DIS3L2: variants seen among roughly 807,000 people sequenced by gnomAD.
The protein encoded by DIS3L2 is DIS3 like 3'-5' exoribonuclease 2, also known as DIS3-like exonuclease 2.
In DIS3L2, 34 loss-of-function variants were observed where a neutral mutation model predicts 97.5. That is an observed-to-expected ratio of 0.35 (90% CI 0.27 to 0.46). The LOEUF is 0.46. Ranked by LOEUF, DIS3L2 falls within the 20% of genes least tolerant of loss-of-function variation. The probability of loss-of-function intolerance (pLI) is 1.00; values close to 1 mark genes in which losing one functional copy is unlikely to be tolerated. For synonymous variants in DIS3L2, 435 were observed against 445.2 expected (o/e 0.98, Z 0.29); for missense variants, 1,038 against 1,146.0 (o/e 0.91, Z 1.36).
At chr2:232,338,650 G>A (rs1379284389), downstream of DIS3L2, among the ~76,000 whole-genome samples, 1 of 152,072 alleles carries the variant, frequency 6.6e-6, no homozygotes, top group African/African-American at 2.4e-5. Context: ...CCAGAGCTCA[G>A]AGAAGGCAGC....
chr2:232,119,195 C>CAGACCCACATAGACAT (rs1201031482), intron 6 of DIS3L2, among the ~76,000 whole-genome samples: 2 of 152,182 alleles, frequency 1.3e-5, no homozygotes, highest in African/African-American at 4.8e-5. Context: ...TGTGGGCTTG[C>CAGACCCACATAGACAT]AGACCCAATT....
Position 232,024,220 on chromosome 2 carries a change from T to G in DIS3L2, c.211-57T>G, listed in dbSNP as rs1443061843. 3.0e-6 allele frequency: 4 copies of G among 1,324,240 alleles called. No homozygotes were observed. In the Admixed American group the frequency reaches 6.6e-5, roughly 22 times the overall value. The allele number at this position is 1,324,240 out of a possible 1,614,324, so 82.0% of individuals were successfully genotyped here. On this transcript the variant is annotated intron_variant, in intron 3 of 20. Transcript: ENST00000325385. ...ACTTTTTATTGGAGAATAACATACG[T>G]GGAAAAATCGTAAATATATAGCTAG...
intron 9 of DIS3L2, among the ~76,000 whole-genome samples, chr2:232,181,163 G>A (rs1435862506): frequency 7.5e-5 from 11 of 145,866 alleles, no homozygotes; most frequent in Admixed American, 1.4e-4. Flanking sequence ...GGCTTGTAGG[G>A]TTTCTGCCGA....
rs542520647 is a variant in DIS3L2, at chr2:232,097,836, A to G, written c.601+10115A>G. On this transcript the variant is annotated intron_variant, in intron 6 of 20. Transcript: ENST00000325385. ...GCAGATGGAGTCTCTCGCGATAGCC[A>G]CCACAGCTGAGAATATGCTGTGTCT... 5.3e-5 allele frequency among the ~76,000 whole-genome samples: 8 copies of G among 152,270 alleles called. No homozygotes were observed. In the East Asian group the frequency reaches 1.4e-3, roughly 26 times the overall value.
chr2:232,082,331 G>A (rs1009712507), intron 5 of DIS3L2, among the ~76,000 whole-genome samples: 2 of 152,162 alleles, frequency 1.3e-5, no homozygotes, highest in Non-Finnish European at 2.9e-5. Flanking sequence ...TCCAGCCCCT[G>A]GGCCATGGAC....
At chr2:232,000,668 C>CCTTTCCTTTCTCTT (rs1388847659) in intron 1 of DIS3L2, among the ~76,000 whole-genome samples, 1 of 106,094 alleles carries the variant, frequency 9.4e-6, no homozygotes, top group Non-Finnish European at 2.0e-5. Context: ...CTTTCTCTTT[C>CCTTTCCTTTCTCTT]TCTCTTTCTC....
intron 6 of DIS3L2, among the ~76,000 whole-genome samples, chr2:232,098,638 G>A (rs529764548): frequency 6.6e-6 from 1 of 152,262 alleles, no homozygotes; most frequent in East Asian, 1.9e-4. Context: ...ACAGGTGTGA[G>A]TCACCCCACC....
chr2:232,138,859 C>T lies in DIS3L2; in HGVS notation c.950+2140C>T, dbSNP rs150233657. 3.7e-3 allele frequency among the ~76,000 whole-genome samples: 560 copies of T among 152,238 alleles called. 2 individuals are homozygous for T. Among genetic ancestry groups the T allele is most frequent in the Non-Finnish European group, 5.9e-3 (399 of 68,008 alleles). On this transcript the variant is annotated intron_variant, in intron 8 of 20. Transcript: ENST00000325385. Reference sequence around the variant, plus strand: ...TCTCTCCTTAAAAGTATCGGACTTCCTTTGCCTATGTAATTGCTTCTAATT... The same window carrying T: ...TCTCTCCTTAAAAGTATCGGACTTCTTTTGCCTATGTAATTGCTTCTAATT...
At chr2:232,336,004 A>G in intron 20 of DIS3L2, 130 bp downstream of exon 20, 1 of 1,525,098 alleles carries the variant, frequency 6.6e-7, no homozygotes, top group Non-Finnish European at 8.8e-7. Context: ...GTGGGGTTTT[A>G]GGGCCCTCCC....
intron 15 of DIS3L2, 79 bp downstream of exon 15, chr2:232,330,075 G>A (rs559615022): frequency 1.5e-5 from 23 of 1,496,124 alleles, no homozygotes; most frequent in South Asian, 1.1e-4. Context: ...GTGGTCCAGC[G>A]GCCTCTGCTT....
chr2:232,096,322 G>A (rs946782739), intron 6 of DIS3L2, among the ~76,000 whole-genome samples: 6 of 151,600 alleles, frequency 4.0e-5, no homozygotes, highest in East Asian at 3.9e-4. Flanking sequence ...TCCTGACCTC[G>A]TGATCTGCCC....
At chr2:232,111,334 G>C (rs1036471871) in intron 6 of DIS3L2, 64 of 462,120 alleles carry the variant, frequency 1.4e-4, no homozygotes, top group African/African-American at 1.1e-3. Context: ...TTTTTAAAGA[G>C]CACATCATGG....
intron 5 of DIS3L2, among the ~76,000 whole-genome samples, chr2:232,080,886 G>A (rs1472435292): frequency 1.5e-5 from 2 of 129,496 alleles, no homozygotes; most frequent in African/African-American, 6.1e-5. Flanking sequence ...AGGTAACAAA[G>A]TGCAGCTCTG....
intron 14 of DIS3L2, among the ~76,000 whole-genome samples, chr2:232,320,181 G>C (rs946618724): frequency 4.0e-5 from 6 of 151,706 alleles, no homozygotes; most frequent in Non-Finnish European, 5.9e-5. Context: ...GAATGTTCTG[G>C]GGGGGGTGGG....
chr2:231,994,372 A>G (rs1357725296), intron 1 of DIS3L2, among the ~76,000 whole-genome samples: 1 of 151,684 alleles, frequency 6.6e-6, no homozygotes, highest in Non-Finnish European at 1.5e-5. Flanking sequence ...GTTCCTTTTC[A>G]TTTCTATATA....
chr2:232,196,434 G>A (rs1342959074), intron 9 of DIS3L2, among the ~76,000 whole-genome samples: 1 of 152,142 alleles, frequency 6.6e-6, no homozygotes, highest in Non-Finnish European at 1.5e-5. Context: ...GGCCTATTAT[G>A]CATCATTTAT....
At chr2:232,097,477 C>G (rs902131577) in intron 6 of DIS3L2, among the ~76,000 whole-genome samples, 9 of 152,200 alleles carry the variant, frequency 5.9e-5, no homozygotes, top group African/African-American at 1.9e-4. Context: ...TCTCACCCTT[C>G]CCTCCCCTTT....
chr2:232,121,152 A>G (rs1371037840), intron 6 of DIS3L2, among the ~76,000 whole-genome samples: 7 of 152,162 alleles, frequency 4.6e-5, no homozygotes, highest in Non-Finnish European at 5.9e-5. Context: ...TCCCAGGCAC[A>G]GCATTCTGAC....
intron 1 of DIS3L2, among the ~76,000 whole-genome samples, chr2:231,980,167 A>G (rs575292785): frequency 6.6e-6 from 1 of 152,188 alleles, no homozygotes; most frequent in East Asian, 1.9e-4. Flanking sequence ...GCATTCTTCT[A>G]TTAGATCTTA....
Sources: allele counts gnomAD v4.1 joint callset (sites outside exome capture counted in the v4.1 genomes callset), GRCh38; gene constraint gnomAD v4.1.1; transcripts MANE v1.5; gene names NCBI Gene and HGNC (gene_info 2026-07-23, HGNC 2026-07-21).